The following PDE4D variants were observed in gnomAD, a reference collection of about 807,000 sequenced individuals.
PDE4D encodes phosphodiesterase 4D.
In PDE4D, 24 loss-of-function variants were observed where a neutral mutation model predicts 87.4. The observed-to-expected ratio is 0.27, with a 90% CI of 0.20 to 0.39. The LOEUF is 0.39. Among genes scored for constraint, PDE4D ranks in the 10% least tolerant of loss-of-function variants. PDE4D has a pLI of 1.00. For missense variants in PDE4D, 714 were observed against 1,041.0 expected (o/e 0.69, Z 4.32); for synonymous variants, 384 against 383.2 (o/e 1.00, Z -0.02).
In PDE4D at chr5:58,974,633, A is replaced by G; in HGVS notation, c.*31T>C. The G allele has an allele frequency of 3.3e-6, 5 of 1,500,428 alleles. No individual in the cohort carries two copies. Among genetic ancestry groups the G allele is most frequent in the South Asian group, 1.4e-5 (1 of 73,268 alleles). The allele number at this position is 1,500,428 out of a possible 1,614,324, so 92.9% of individuals were successfully genotyped here. A position where few individuals can be genotyped will look rare whatever the true frequency, so the allele number is the denominator to read the frequency against. The stretch of plus-strand genomic sequence containing the variant: ...CTTTGGAAACAATTTTTCTACTTAA[A>G]AAAAAAAAAGGCATGAAAGTTTTTG... On this transcript the variant is annotated 3_prime_UTR_variant, in exon 15 of 15. Coordinates refer to ENST00000340635, the MANE Select transcript of PDE4D (RefSeq NM_001104631.2).
At chr5:59,747,999 C>A (rs533593232) in intron 1 of PDE4D, among the ~76,000 whole-genome samples, 1 of 152,180 alleles carries the variant, frequency 6.6e-6, no homozygotes, top group Non-Finnish European at 1.5e-5. Flanking sequence ...TCCCCTCCAA[C>A]TGACTTTACA....
chr5:59,248,995 A>G (rs956900750), intron 1 of PDE4D, among the ~76,000 whole-genome samples: 45 of 152,114 alleles, frequency 3.0e-4, no homozygotes, highest in African/African-American at 1.1e-3. Context: ...AAAAAAAATC[A>G]ATAAATTTGA....
chr5:60,287,209 G>A (rs1752500459), intron 1 of PDE4D, among the ~76,000 whole-genome samples: 1 of 152,196 alleles, frequency 6.6e-6, no homozygotes, highest in Non-Finnish European at 1.5e-5. Context: ...ATGAACTTAA[G>A]GTCTAGAGGG....
intron 1 of PDE4D, among the ~76,000 whole-genome samples, chr5:59,752,169 T>C (rs1263365836): frequency 6.6e-6 from 1 of 152,166 alleles, no homozygotes; most frequent in African/African-American, 2.4e-5. Context: ...TAACATCCCA[T>C]ATAGTAATTT....
chr5:59,201,710 A>G (rs1188986954), intron 2 of PDE4D, among the ~76,000 whole-genome samples: 1 of 152,206 alleles, frequency 6.6e-6, no homozygotes, highest in Non-Finnish European at 1.5e-5. Flanking sequence ...ACCCTAGGGA[A>G]TAAAGTTCCT....
chr5:59,914,596 G>C (rs980065254), intron 3 of PDE4D, among the ~76,000 whole-genome samples: 1 of 148,344 alleles, frequency 6.7e-6, no homozygotes, highest in Admixed American at 6.8e-5. Context: ...GTGTGTGTTT[G>C]GGGGAAGAGG....
At chr5:59,698,400 T>C (rs1032889205) in intron 1 of PDE4D, among the ~76,000 whole-genome samples, 2 of 152,052 alleles carry the variant, frequency 1.3e-5, no homozygotes, top group Non-Finnish European at 2.9e-5. Flanking sequence ...AGAAGTTGAC[T>C]ATGTTGTGGT....
At chr5:60,350,750 G>C (rs539797372) in intron 1 of PDE4D, among the ~76,000 whole-genome samples, 9 of 152,166 alleles carry the variant, frequency 5.9e-5, no homozygotes, top group African/African-American at 2.2e-4. Flanking sequence ...AAAACTGTTT[G>C]GGCCAAACAA....
At chr5:59,863,458 A>G (rs1746569879) in intron 1 of PDE4D, among the ~76,000 whole-genome samples, 3 of 152,192 alleles carry the variant, frequency 2.0e-5, no homozygotes, top group Admixed American at 2.0e-4. Context: ...GTTCTAAATC[A>G]CTACTTCAAA....
intron 1 of PDE4D, among the ~76,000 whole-genome samples, chr5:59,235,895 A>G (rs186494870): frequency 2.2e-4 from 33 of 152,334 alleles, no homozygotes; most frequent in African/African-American, 7.7e-4. Context: ...ACAGAAAACA[A>G]CTATCTGGTT....
chr5:59,404,377 G>A (rs567071209), intron 1 of PDE4D, among the ~76,000 whole-genome samples: 1 of 152,208 alleles, frequency 6.6e-6, no homozygotes, highest in East Asian at 1.9e-4. Flanking sequence ...TCTTTGCTCA[G>A]GCCAGGCGCA....
At chr5:59,977,322 G>A (rs1761440004) in intron 3 of PDE4D, among the ~76,000 whole-genome samples, 1 of 152,198 alleles carries the variant, frequency 6.6e-6, no homozygotes, top group Non-Finnish European at 1.5e-5. Flanking sequence ...AAACTTCAGT[G>A]GTCTGGATAG....
chr5:59,560,380 T>C (rs757748964), intron 1 of PDE4D, among the ~76,000 whole-genome samples: 1 of 152,140 alleles, frequency 6.6e-6, no homozygotes, highest in Non-Finnish European at 1.5e-5. Flanking sequence ...ATCAGGTAGA[T>C]GAAAGCACAA....
intron 1 of PDE4D, among the ~76,000 whole-genome samples, chr5:59,685,834 A>G (rs542594560): frequency 9.9e-5 from 15 of 152,272 alleles, no homozygotes; most frequent in African/African-American, 3.6e-4. Flanking sequence ...TCTGACCACG[A>G]TAAGCACACT....
chr5:59,735,766 A>C (rs1441542737), intron 1 of PDE4D, among the ~76,000 whole-genome samples: 1 of 152,078 alleles, frequency 6.6e-6, no homozygotes, highest in Non-Finnish European at 1.5e-5. Context: ...TCCCTGGTTC[A>C]AGTGATTCTC....
chr5:59,039,553 AGCGCG>A lies in PDE4D; in HGVS notation c.809-587_809-583del, dbSNP rs969740933. On this transcript the variant is annotated intron_variant, in intron 5 of 14. Transcript: ENST00000340635. The stretch of plus-strand genomic sequence containing the variant: ...TCTCAACTCCTCGGGCGGCAGGCGC[AGCGCG>A]GCTCCAACGCCGCAGCTTTCCGGGA... 285 of 981,830 alleles carry A rather than the reference AGCGCG, an allele frequency of 2.9e-4. 2 individuals are homozygous for A. The highest frequency in any genetic ancestry group is 3.1e-4 in the Non-Finnish European group (253 of 826,586). 60.8% of individuals were successfully genotyped at this position (981,830 alleles called of 1,614,324 possible). A position where few individuals can be genotyped will look rare whatever the true frequency, so the allele number is the denominator to read the frequency against.
intron 2 of PDE4D, among the ~76,000 whole-genome samples, chr5:60,122,380 T>C (rs1428035158): frequency 6.6e-6 from 1 of 152,266 alleles, no homozygotes; most frequent in Non-Finnish European, 1.5e-5. Flanking sequence ...GCAGCAAACT[T>C]CTGCCTGGGC....
At chr5:59,517,579 G>A (rs978120001) in intron 1 of PDE4D, among the ~76,000 whole-genome samples, 2 of 152,170 alleles carry the variant, frequency 1.3e-5, no homozygotes, top group African/African-American at 4.8e-5. Context: ...CTAACACCCA[G>A]CTCAGACACT....
chr5:59,681,555 C>T (rs1749009424), intron 1 of PDE4D, among the ~76,000 whole-genome samples: 1 of 152,048 alleles, frequency 6.6e-6, no homozygotes, highest in Non-Finnish European at 1.5e-5. Flanking sequence ...AGAGCATTCC[C>T]TTCATGAATG....
Sources: allele counts gnomAD v4.1 joint callset (sites outside exome capture counted in the v4.1 genomes callset), GRCh38; gene constraint gnomAD v4.1.1; transcripts MANE v1.5; gene names NCBI Gene and HGNC (gene_info 2026-07-23, HGNC 2026-07-21).